Variants in TBC1D22A observed in about 807,000 individuals in gnomAD.
The protein encoded by TBC1D22A is putative GTPase activator.
TBC1D22A carries 38 observed loss-of-function variants against 60.2 expected under a neutral mutation model. That is an observed-to-expected ratio of 0.63 (90% CI 0.49 to 0.83). The LOEUF (loss-of-function observed/expected upper bound fraction) is 0.83, where lower values mean the gene tolerates loss of function less well. Ranked by LOEUF, TBC1D22A falls within the 40% of genes least tolerant of loss-of-function variation. The probability of loss-of-function intolerance (pLI) is 0.00; values close to 1 mark genes in which losing one functional copy is unlikely to be tolerated. For missense variants in TBC1D22A, 628 were observed against 701.0 expected, an observed-to-expected ratio of 0.90 and a Z score of 1.18; for synonymous variants, 302 against 281.7, an observed-to-expected ratio of 1.07 and a Z score of -0.72.
intron 4 of TBC1D22A, among the ~76,000 whole-genome samples, chr22:46,824,605 G>A (rs539592007): frequency 2.0e-5 from 3 of 152,306 alleles, no homozygotes; most frequent in South Asian, 4.1e-4. Flanking sequence ...GGCGCGATTC[G>A]ACTTAGGCTT....
rs1040859043 is a variant in TBC1D22A at position 46,968,506 on chromosome 22, C to T, written c.1016-5784C>T. On this transcript the variant is annotated intron_variant, in intron 8 of 12. Transcript: ENST00000337137. Reference sequence around the variant, plus strand: ...GCAGGCGTCCTCACTGCGTGGCCGGCGGTCCTGAGTGGGCAGGCGTCCTCA... The same window carrying T: ...GCAGGCGTCCTCACTGCGTGGCCGGTGGTCCTGAGTGGGCAGGCGTCCTCA... Among the ~76,000 whole-genome samples, 7 of 148,452 alleles carry T rather than the reference C, an allele frequency of 4.7e-5. No individual in the cohort carries two copies. The East Asian group carries it at 1.2e-3, about 25-fold the overall frequency.
At chr22:47,165,650 G>C (rs1035065382) in intron 12 of TBC1D22A, among the ~76,000 whole-genome samples, 1 of 152,130 alleles carries the variant, frequency 6.6e-6, no homozygotes, top group Non-Finnish European at 1.5e-5. Context: ...ATGCCTCCTG[G>C]GACAAGTTGC....
At chr22:46,766,525 T>G (rs2083292675) in intron 1 of TBC1D22A, among the ~76,000 whole-genome samples, 1 of 152,092 alleles carries the variant, frequency 6.6e-6, no homozygotes, top group Non-Finnish European at 1.5e-5. Flanking sequence ...TAAGGGATCT[T>G]TCAGATAGTT....
chr22:46,803,585 C>A (rs1376278427), intron 4 of TBC1D22A, among the ~76,000 whole-genome samples: 1 of 152,184 alleles, frequency 6.6e-6, no homozygotes, highest in Non-Finnish European at 1.5e-5. Context: ...CACAGCAGGG[C>A]ACGTTGGCCT....
intron 10 of TBC1D22A, among the ~76,000 whole-genome samples, chr22:47,035,144 C>G (rs115812018): frequency 1.3e-5 from 2 of 152,228 alleles, no homozygotes; most frequent in African/African-American, 4.8e-5. Context: ...AACTGAGTAT[C>G]TGAGGTGAGC....
intron 10 of TBC1D22A, among the ~76,000 whole-genome samples, chr22:47,014,933 C>T (rs535022027): frequency 1.2e-4 from 18 of 152,250 alleles, no homozygotes; most frequent in Non-Finnish European, 2.5e-4. Flanking sequence ...TCTGAGCTGC[C>T]TGGGTGACTG....
At chr22:46,833,378 C>A (rs1435861637) in intron 4 of TBC1D22A, among the ~76,000 whole-genome samples, 1 of 152,214 alleles carries the variant, frequency 6.6e-6, no homozygotes, top group East Asian at 1.9e-4. Context: ...TGCTAAGCTA[C>A]CTGTCACCAC....
At chr22:47,122,034 T>C (rs2066289013) in intron 12 of TBC1D22A, among the ~76,000 whole-genome samples, 1 of 152,174 alleles carries the variant, frequency 6.6e-6, no homozygotes, top group South Asian at 2.1e-4. Context: ...AACACATCAC[T>C]CAACACAGAG....
intron 5 of TBC1D22A, among the ~76,000 whole-genome samples, chr22:46,887,783 T>G (rs1012115036): frequency 1.5e-4 from 23 of 152,198 alleles, no homozygotes; most frequent in Non-Finnish European, 2.4e-4. Flanking sequence ...CACACGATTT[T>G]GGGGTACACC....
intron 11 of TBC1D22A, among the ~76,000 whole-genome samples, chr22:47,106,111 T>C (rs1258067208): frequency 2.0e-5 from 3 of 152,080 alleles, no homozygotes; most frequent in African/African-American, 7.2e-5. Context: ...AGAAGAGATA[T>C]TTGAGGAAAG....
chr22:47,055,851 G>GTGAGATACGCCACTGAGGGTTGA (rs1569397613), intron 11 of TBC1D22A, among the ~76,000 whole-genome samples: 5 of 109,894 alleles, frequency 4.5e-5, no homozygotes, highest in African/African-American at 1.6e-4. Context: ...TTCCTGGGCA[G>GTGAGATACGCCACTGAGGGTTGA]TGAGATACGC....
intron 12 of TBC1D22A, 41 bp from the exon 13 acceptor site, chr22:47,173,457 G>A (rs777152955): frequency 6.2e-7 from 1 of 1,606,614 alleles, no homozygotes; most frequent in Non-Finnish European, 8.5e-7. Context: ...CCTCCACCGT[G>A]GGTCACCTCC....
At chr22:47,132,178 C>T (rs1041712937) in intron 12 of TBC1D22A, among the ~76,000 whole-genome samples, 1 of 152,140 alleles carries the variant, frequency 6.6e-6, no homozygotes, top group Non-Finnish European at 1.5e-5. Flanking sequence ...TTTAGGAGCC[C>T]CCATTTGGTG....
chr22:46,836,819 AGGGGT>A (rs2147187915), intron 4 of TBC1D22A, among the ~76,000 whole-genome samples: 1 of 152,310 alleles, frequency 6.6e-6, no homozygotes, highest in South Asian at 2.1e-4. Context: ...AAAAGAGAGC[AGGGGT>A]GACTATCTTT....
At chr22:46,865,043 G>A (rs550527511) in intron 4 of TBC1D22A, among the ~76,000 whole-genome samples, 1 of 152,236 alleles carries the variant, frequency 6.6e-6, no homozygotes, top group Admixed American at 6.5e-5. Context: ...TGGTCTCACC[G>A]AACCCACACC....
chr22:47,171,931 C>T (rs2068476331), intron 12 of TBC1D22A, among the ~76,000 whole-genome samples: 1 of 120,616 alleles, frequency 8.3e-6, no homozygotes, highest in Non-Finnish European at 2.0e-5. Context: ...AGACACGGCC[C>T]AGCTGCAGGC....
chr22:46,966,323 C>G (rs1317827494), intron 8 of TBC1D22A, among the ~76,000 whole-genome samples: 1 of 152,164 alleles, frequency 6.6e-6, no homozygotes, highest in Non-Finnish European at 1.5e-5. Flanking sequence ...GCTGTGTGAG[C>G]TGCGTCCCTC....
At chr22:47,156,893 G>A (rs890156319) in intron 12 of TBC1D22A, among the ~76,000 whole-genome samples, 3 of 152,218 alleles carry the variant, frequency 2.0e-5, no homozygotes, top group Non-Finnish European at 2.9e-5. Flanking sequence ...TCCTTCTGTC[G>A]TCCTGGCCAC....
At chr22:46,790,320 G>C (rs770400198) in intron 1 of TBC1D22A, among the ~76,000 whole-genome samples, 6 of 152,228 alleles carry the variant, frequency 3.9e-5, no homozygotes, top group Admixed American at 6.5e-5. Context: ...AGCCAGGAAG[G>C]TTCTCTGCTT....
Sources: allele counts gnomAD v4.1 joint callset (sites outside exome capture counted in the v4.1 genomes callset), GRCh38; gene constraint gnomAD v4.1.1; transcripts MANE v1.5; gene names NCBI Gene and HGNC (gene_info 2026-07-23, HGNC 2026-07-21).